Variants in THSD7B observed in about 807,000 individuals in gnomAD.
The protein encoded by THSD7B is thrombospondin type-1 domain-containing protein 7B.
Under a neutral mutation model 213.6 loss-of-function variants are expected in THSD7B, and 138 were observed. The observed-to-expected ratio is 0.65, with a 90% confidence interval of 0.56 to 0.74. The LOEUF (loss-of-function observed/expected upper bound fraction) is 0.74. THSD7B is among the 30% of genes least tolerant of loss of function. The pLI is 0.00. For synonymous variants in THSD7B, 742 were observed against 687.0 expected (o/e 1.08, Z -1.25); for missense variants, 1,931 against 1,991.5 (o/e 0.97, Z 0.58).
intron 12 of THSD7B, among the ~76,000 whole-genome samples, chr2:137,395,805 G>T (rs990054944): frequency 2.0e-5 from 3 of 150,382 alleles, no homozygotes; most frequent in South Asian, 2.1e-4. Context: ...GACTCTTTTT[G>T]GTTGGTAAAC....
At chr2:137,602,767 C>A (rs1291127312) in intron 17 of THSD7B, among the ~76,000 whole-genome samples, 1 of 152,128 alleles carries the variant, frequency 6.6e-6, no homozygotes, top group African/African-American at 2.4e-5. Flanking sequence ...GTCCCCATGG[C>A]CTAATTACCT....
Position 137,610,024 on chromosome 2 carries a change from T to A in THSD7B, c.3424-6151T>A, listed in dbSNP as rs139286762. On this transcript the variant is annotated intron_variant, in intron 17 of 27. Coordinates refer to ENST00000409968, the MANE Select transcript of THSD7B (RefSeq NM_001316349.2). The stretch of plus-strand genomic sequence containing the variant: ...AGCCTCTAGATTGTCGGAGTTGCCA[T>A]TAACAGAGATGGGAAAGATTAGAAG... 6.0e-3 allele frequency among the ~76,000 whole-genome samples: 908 copies of A among 152,228 alleles called. 12 individuals are homozygous for A. The highest frequency in any genetic ancestry group is 0.021 in the African/African-American group (865 of 41,544).
At chr2:137,500,540 A>G (rs1026378994) in intron 15 of THSD7B, among the ~76,000 whole-genome samples, 1 of 152,218 alleles carries the variant, frequency 6.6e-6, no homozygotes, top group African/African-American at 2.4e-5. Flanking sequence ...AGTCAGGCAC[A>G]CTTATGTTTA....
At chr2:137,152,298 A>G (rs1679834286) in intron 5 of THSD7B, among the ~76,000 whole-genome samples, 1 of 151,816 alleles carries the variant, frequency 6.6e-6, no homozygotes, top group African/African-American at 2.4e-5. Flanking sequence ...ATTTTTTTCT[A>G]TTTTATCTCA....
intron 1 of THSD7B, among the ~76,000 whole-genome samples, chr2:136,877,324 G>T (rs1683541148): frequency 6.6e-6 from 1 of 152,132 alleles, no homozygotes; most frequent in East Asian, 1.9e-4. Flanking sequence ...CATATTCTTG[G>T]ATGTTTGCTC....
intron 3 of THSD7B, among the ~76,000 whole-genome samples, chr2:137,080,977 A>G (rs1687737105): frequency 2.6e-5 from 4 of 152,182 alleles, no homozygotes; most frequent in Admixed American, 2.6e-4. Flanking sequence ...TTTGAAGAAC[A>G]GTTTAGCCAG....
chr2:137,676,482 C>A (rs1683702232), intron 27 of THSD7B, 42 bp from the exon 28 acceptor site: 2 of 1,521,904 alleles, frequency 1.3e-6, no homozygotes, highest in South Asian at 2.5e-5. Context: ...AAACAGAGCT[C>A]TATGAACTTA....
chr2:137,263,752 G>C (rs1415575941), intron 10 of THSD7B, among the ~76,000 whole-genome samples: 1 of 152,052 alleles, frequency 6.6e-6, no homozygotes, highest in Non-Finnish European at 1.5e-5. Context: ...AGAATTTTAG[G>C]GGAAGATGCT....
At chr2:136,902,936 C>A (rs1029652473) in intron 2 of THSD7B, among the ~76,000 whole-genome samples, 17 of 152,164 alleles carry the variant, frequency 1.1e-4, no homozygotes, top group African/African-American at 3.4e-4. Flanking sequence ...GTGTTACAAG[C>A]TGGTCCAGCA....
chr2:137,040,140 G>A (rs1686853128), intron 2 of THSD7B, among the ~76,000 whole-genome samples: 1 of 152,178 alleles, frequency 6.6e-6, no homozygotes, highest in Admixed American at 6.5e-5. Context: ...CAAGAAAGAA[G>A]CAGGGTTACA....
At chr2:137,534,659 T>C (rs1680468745) in intron 15 of THSD7B, among the ~76,000 whole-genome samples, 1 of 151,752 alleles carries the variant, frequency 6.6e-6, no homozygotes, top group African/African-American at 2.4e-5. Context: ...CAATATAAGT[T>C]TTCTTTTTTA....
At position 137,415,283 on chromosome 2, in the gene THSD7B, C is replaced by G. The variant is rs182223582; in HGVS notation, c.2959+3411C>G. On this transcript the variant is annotated intron_variant, in intron 14 of 27. Transcript: ENST00000409968. The stretch of plus-strand genomic sequence containing the variant: ...CAAGCATAATGTGTTCTATATGGCC[C>G]CTATTGGATACACATAACTGTGGGA... 1.7e-3 allele frequency among the ~76,000 whole-genome samples: 251 copies of G among 152,102 alleles called. 1 individual carries two copies. Among genetic ancestry groups the G allele is most frequent in the African/African-American group, 5.9e-3 (246 of 41,486 alleles).
chr2:137,584,923 C>T (rs1385600796), intron 17 of THSD7B, among the ~76,000 whole-genome samples: 1 of 152,188 alleles, frequency 6.6e-6, no homozygotes, highest in Non-Finnish European at 1.5e-5. Context: ...ACCAGCTCCT[C>T]CTTGTACCTC....
intron 2 of THSD7B, among the ~76,000 whole-genome samples, chr2:136,910,932 A>G (rs939116258): frequency 7.9e-5 from 12 of 152,076 alleles, no homozygotes; most frequent in African/African-American, 2.4e-4. Flanking sequence ...TTTAGTACCC[A>G]AATTATATCA....
At chr2:137,656,648 C>A in intron 22 of THSD7B, 148 bp from the exon 23 acceptor site, 2 of 705,782 alleles carry the variant, frequency 2.8e-6, no homozygotes, top group Non-Finnish European at 2.2e-6. Context: ...TTAGTACATT[C>A]TGATTGGAAA....
intron 1 of THSD7B, among the ~76,000 whole-genome samples, chr2:136,863,582 A>G (rs1683287030): frequency 6.6e-6 from 1 of 152,206 alleles, no homozygotes; most frequent in Non-Finnish European, 1.5e-5. Context: ...CGCAGTGACT[A>G]TCATTGTGAT....
intron 16 of THSD7B, among the ~76,000 whole-genome samples, chr2:137,571,592 T>C (rs965785116): frequency 4.6e-5 from 7 of 152,242 alleles, no homozygotes; most frequent in African/African-American, 1.7e-4. Context: ...CAGCTTTTGA[T>C]ATTTTCCATG....
At chr2:137,120,081 A>AG (rs1409290714) in intron 5 of THSD7B, among the ~76,000 whole-genome samples, 2 of 152,122 alleles carry the variant, frequency 1.3e-5, no homozygotes, top group Non-Finnish European at 2.9e-5. Context: ...GTGGGCTTAT[A>AG]GCATTTTCTC....
intron 17 of THSD7B, among the ~76,000 whole-genome samples, chr2:137,585,744 G>A (rs1415339945): frequency 6.6e-6 from 1 of 152,150 alleles, no homozygotes; most frequent in African/African-American, 2.4e-5. Flanking sequence ...TTGCTGAGGA[G>A]TGCTTCACTT....
Sources: gnomAD v4.1 joint callset for allele counts (sites outside exome capture counted in the v4.1 genomes callset) on GRCh38, gnomAD v4.1.1 for gene constraint, MANE v1.5 for transcripts, NCBI Gene and HGNC (gene_info 2026-07-23, HGNC 2026-07-21) for gene names.